The following PRKN variants were observed in gnomAD, a reference collection of about 807,000 sequenced individuals.
The protein encoded by PRKN is parkin RBR E3 ubiquitin protein ligase.
Under a neutral mutation model 59.5 loss-of-function variants are expected in PRKN, and 56 were observed. The observed-to-expected ratio is 0.94, with a 90% CI of 0.76 to 1.18. The LOEUF is 1.18. Ranked by LOEUF, PRKN falls within the 50% of genes most tolerant of loss-of-function variation. PRKN has a pLI of 0.00. For missense variants in PRKN, 657 were observed against 596.4 expected, an observed-to-expected ratio of 1.10 and a Z score of -1.06; for synonymous variants, 250 against 222.1, an observed-to-expected ratio of 1.13 and a Z score of -1.12.
intron 5 of PRKN, among the ~76,000 whole-genome samples, chr6:161,981,829 T>A (rs372758824): frequency 4.6e-5 from 7 of 152,262 alleles, no homozygotes; most frequent in African/African-American, 1.7e-4. Context: ...GTCAAACAGA[T>A]CAGACCTAAA....
chr6:161,797,218 G>A (rs543358215), intron 6 of PRKN, among the ~76,000 whole-genome samples: 2 of 152,160 alleles, frequency 1.3e-5, no homozygotes, highest in South Asian at 4.2e-4. Context: ...GAATGTAATC[G>A]TATGCTGGGT....
intron 2 of PRKN, among the ~76,000 whole-genome samples, chr6:162,393,166 T>C (rs1787297209): frequency 7.4e-6 from 1 of 134,494 alleles, no homozygotes. Flanking sequence ...TTTTTTTTTT[T>C]TTTTTTTTTT....
At chr6:161,567,695 G>A (rs1780708798) in intron 8 of PRKN, among the ~76,000 whole-genome samples, 1 of 152,154 alleles carries the variant, frequency 6.6e-6, no homozygotes, top group African/African-American at 2.4e-5. Flanking sequence ...ATTTCTAGGA[G>A]AATGCAAAGT....
chr6:162,235,746 G>A (rs1778628406), intron 3 of PRKN, among the ~76,000 whole-genome samples: 1 of 151,472 alleles, frequency 6.6e-6, no homozygotes, highest in Non-Finnish European at 1.5e-5. Flanking sequence ...GAGGTTGCAG[G>A]GAGCCGAGAT....
At chr6:161,469,224 T>C (rs942597901) in intron 9 of PRKN, among the ~76,000 whole-genome samples, 3 of 152,108 alleles carry the variant, frequency 2.0e-5, no homozygotes, top group African/African-American at 7.2e-5. Context: ...GCTGTTCTTG[T>C]GATAGTGAGT....
At position 161,776,112 on chromosome 6, in the gene PRKN, C is replaced by T. The variant is rs571391484; in HGVS notation, c.871+9660G>A. ...TAGAGCAACAGAAAAATCTGTGCTA[C>T]CAGGGCTTATAAAGGACAAGAAGTA... is the stretch of plus-strand genomic sequence containing the variant. On this transcript the variant is annotated intron_variant, in intron 7 of 11. Coordinates refer to ENST00000366898, the MANE Select transcript of PRKN (RefSeq NM_004562.3). 3.8e-4 allele frequency among the ~76,000 whole-genome samples: 58 copies of T among 152,264 alleles called. No homozygotes were observed. The Middle Eastern group carries it at 0.01, about 27-fold the overall frequency.
In PRKN at chr6:161,616,990, G is replaced by A. The variant is rs1026461386; in HGVS notation, c.872-47574C>T. Among the ~76,000 whole-genome samples the A allele has an allele frequency of 1.5e-4, 23 of 152,258 alleles. No individual in the cohort carries two copies. The South Asian group carries it at 3.1e-3, about 21-fold the overall frequency. Reference sequence around the variant, plus strand: ...GATCCTTGAGGAATTGCCACACTGTGTTCCACAATGGTTGAACTAATTTAC... The same window carrying A: ...GATCCTTGAGGAATTGCCACACTGTATTCCACAATGGTTGAACTAATTTAC... On this transcript the variant is annotated intron_variant, in intron 7 of 11. Transcript: ENST00000366898.
intron 10 of PRKN, among the ~76,000 whole-genome samples, chr6:161,367,145 C>T (rs565826509): frequency 8.9e-4 from 135 of 151,924 alleles, no homozygotes; most frequent in African/African-American, 3.2e-3. Context: ...CGCCCGCCAC[C>T]ACGCCCGGCT....
Position 161,794,326 on chromosome 6 carries a change from G to A in PRKN, c.735-8418C>T, listed in dbSNP as rs576285402. ...TGAGTCAAGATTTAGGAGTGGCCAC[G>A]GTGCAGTGTGCCCCAGAGCAATGGA... On this transcript the variant is annotated intron_variant, in intron 6 of 11. Transcript: ENST00000366898. 2.5e-4 allele frequency among the ~76,000 whole-genome samples: 38 copies of A among 152,232 alleles called. No homozygotes were observed. The Middle Eastern group carries it at 0.01, about 41-fold the overall frequency.
chr6:161,391,900 C>T lies in PRKN; in HGVS notation c.1084-5023G>A, dbSNP rs10455880. ...GGAGGTGCCTACCCAGCCCTGAAAC[C>T]GTGTAAGCCACTTCCTTCCAGTAAA... On this transcript the variant is annotated intron_variant, in intron 9 of 11. Transcript: ENST00000366898. The surrounding 1 kb of genome is among the most constrained non-coding windows in gnomAD (Gnocchi z 4.9). Among the ~76,000 whole-genome samples, 1 of 151,812 alleles carries T rather than the reference C, an allele frequency of 6.6e-6. No individual in the cohort carries two copies. Among genetic ancestry groups the T allele is most frequent in the Non-Finnish European group, 1.5e-5 (1 of 67,986 alleles).
At chr6:162,392,147 A>C (rs1787233390) in intron 2 of PRKN, among the ~76,000 whole-genome samples, 2 of 147,186 alleles carry the variant, frequency 1.4e-5, no homozygotes, top group African/African-American at 5.0e-5. Context: ...AATCTTTTAC[A>C]AAAAAAAAAG....
chr6:162,398,735 G>A (rs1016166588), intron 2 of PRKN, among the ~76,000 whole-genome samples: 2 of 152,072 alleles, frequency 1.3e-5, no homozygotes, highest in Non-Finnish European at 1.5e-5. Context: ...TTATTTTCAG[G>A]GAAACAAATA....
intron 5 of PRKN, among the ~76,000 whole-genome samples, chr6:162,007,548 C>G (rs900681818): frequency 6.6e-6 from 1 of 152,076 alleles, no homozygotes; most frequent in African/African-American, 2.4e-5. Context: ...CAAGTCTAAA[C>G]TTTAATAGGT....
chr6:162,521,455 C>G (rs1778076267), intron 1 of PRKN, among the ~76,000 whole-genome samples: 1 of 152,136 alleles, frequency 6.6e-6, no homozygotes, highest in Non-Finnish European at 1.5e-5. Context: ...CTTATTCAAA[C>G]TACTGTGAAA....
At chr6:162,257,794 T>A (rs1181856903) in intron 3 of PRKN, among the ~76,000 whole-genome samples, 1 of 152,116 alleles carries the variant, frequency 6.6e-6, no homozygotes, top group African/African-American at 2.4e-5. Context: ...TTCCGGGTTG[T>A]GTTGCCTCCA....
chr6:162,678,364 A>G (rs113177195), intron 1 of PRKN, among the ~76,000 whole-genome samples: 1 of 152,314 alleles, frequency 6.6e-6, no homozygotes, highest in South Asian at 2.1e-4. Context: ...ATTTCACTAT[A>G]TAAGACACTG....
Position 161,549,019 on chromosome 6 carries a change from A to G in PRKN, c.934-16T>C. On this transcript the variant is annotated splice_polypyrimidine_tract_variant and intron_variant, in intron 8 of 11. Coordinates refer to ENST00000366898, the MANE Select transcript of PRKN (RefSeq NM_004562.3). This position sits in a 1 kb window ranked among gnomAD's most constrained non-coding sequence, Gnocchi z 6.0. ...ACCGGTTGTACTGCAAAACCCAAAA[A>G]GCAGATTGAGCTTTCAAACTGACTG... 1.9e-6 allele frequency: 3 copies of G among 1,612,852 alleles called. No individual in the cohort carries two copies. Among genetic ancestry groups the G allele is most frequent in the Non-Finnish European group, 2.5e-6 (3 of 1,179,970 alleles).
chr6:162,226,523 A>G (rs1251230463), intron 3 of PRKN, among the ~76,000 whole-genome samples: 2 of 152,114 alleles, frequency 1.3e-5, no homozygotes, highest in Non-Finnish European at 2.9e-5. Context: ...GAGGAACACC[A>G]AGAATTTTGT....
intron 6 of PRKN, among the ~76,000 whole-genome samples, chr6:161,833,390 TAA>T (rs1315224608): frequency 6.6e-6 from 1 of 152,210 alleles, no homozygotes; most frequent in African/African-American, 2.4e-5. Flanking sequence ...TGTTTTAAGA[TAA>T]GTTAGGTAGC....
Sources: gnomAD v4.1 joint callset for allele counts (sites outside exome capture counted in the v4.1 genomes callset) on GRCh38, gnomAD v4.1.1 for gene constraint, Gnocchi (gnomAD v3.1) non-coding constraint, MANE v1.5 for transcripts, NCBI Gene and HGNC (gene_info 2026-07-23, HGNC 2026-07-21) for gene names.